Variants in SLC7A2 observed in about 807,000 individuals in gnomAD.
SLC7A2 encodes solute carrier family 7 member 2.
SLC7A2 carries 48 observed loss-of-function variants against 58.9 expected under a neutral mutation model. The ratio of observed to expected loss-of-function variants is 0.82; its 90% CI spans 0.65 to 1.04. The LOEUF is 1.04. Ranked by LOEUF, SLC7A2 falls within the 50% of genes least tolerant of loss-of-function variation. The probability of loss-of-function intolerance (pLI) is 0.00; values close to 1 mark genes in which losing one functional copy is unlikely to be tolerated. For missense variants in SLC7A2, 1,029 were observed against 818.8 expected (o/e 1.26, Z -3.13); for synonymous variants, 363 against 314.5 (o/e 1.15, Z -1.63).
intron 1 of SLC7A2, among the ~76,000 whole-genome samples, chr8:17,500,878 G>C (rs2588201): frequency 7.9e-5 from 12 of 151,518 alleles, no homozygotes; most frequent in Admixed American, 7.9e-4. Flanking sequence ...ATTTCCATCA[G>C]GCTTCAATTA....
At chr8:17,531,764 C>G (rs1801460152) in intron 2 of SLC7A2, among the ~76,000 whole-genome samples, 1 of 151,384 alleles carries the variant, frequency 6.6e-6, no homozygotes, top group East Asian at 1.9e-4. Context: ...ACTATAGTTG[C>G]CATTAAATTT....
At chr8:17,517,116 T>C (rs759544927) in intron 2 of SLC7A2, among the ~76,000 whole-genome samples, 1 of 152,172 alleles carries the variant, frequency 6.6e-6, no homozygotes, top group Admixed American at 6.5e-5. Context: ...CACTCCCCCT[T>C]TGCATCACTT....
intron 2 of SLC7A2, among the ~76,000 whole-genome samples, chr8:17,535,051 C>A (rs1233695214): frequency 6.6e-6 from 1 of 152,118 alleles, no homozygotes; most frequent in African/African-American, 2.4e-5. Flanking sequence ...TCTTTCTCAT[C>A]CCTTATTTAT....
chr8:17,555,651 T>G (rs1563478516), intron 8 of SLC7A2, among the ~76,000 whole-genome samples: 1 of 152,144 alleles, frequency 6.6e-6, no homozygotes, highest in Non-Finnish European at 1.5e-5. Context: ...ATCGCAGCCA[T>G]CTAACAGTTA....
chr8:17,529,756 C>T lies in SLC7A2; in HGVS notation c.-22-13562C>T, dbSNP rs577064849. On this transcript the variant is annotated intron_variant, in intron 2 of 12. Transcript: ENST00000494857. Reference sequence around the variant, plus strand: ...TACACCATGTTAGCTAGGCTGGTCTCGAACTCCTGGCCTCAAGTAATCCGC... The same window carrying T: ...TACACCATGTTAGCTAGGCTGGTCTTGAACTCCTGGCCTCAAGTAATCCGC... Among the ~76,000 whole-genome samples the T allele has an allele frequency of 1.3e-4, 20 of 152,112 alleles. No homozygotes were observed. The East Asian group carries it at 1.9e-3, about 15-fold the overall frequency.
At chr8:17,519,052 C>T (rs539607808) in intron 2 of SLC7A2, among the ~76,000 whole-genome samples, 4 of 152,238 alleles carry the variant, frequency 2.6e-5, no homozygotes, top group Non-Finnish European at 4.4e-5. Context: ...TCATCTAGCC[C>T]TAATTACCTT....
At chr8:17,494,653 T>C (rs368645010), upstream of SLC7A2, among the ~76,000 whole-genome samples, 54 of 152,346 alleles carry the variant, frequency 3.5e-4, no homozygotes, top group African/African-American at 1.2e-3. Flanking sequence ...TCATAGTCTG[T>C]CTTAAGAGAC....
chr8:17,556,774 GA>G (rs1367729411), intron 8 of SLC7A2, among the ~76,000 whole-genome samples: 4 of 151,836 alleles, frequency 2.6e-5, no homozygotes, highest in Non-Finnish European at 5.9e-5. Context: ...ACGCCCAGCT[GA>G]TTTTTGTATT....
intron 1 of SLC7A2, among the ~76,000 whole-genome samples, chr8:17,501,948 C>A (rs34719327): frequency 0.062 from 9,400 of 151,408 alleles, 344 homozygotes; most frequent in South Asian, 0.11. Flanking sequence ...CAATACACAA[C>A]AAAGAATTTG....
At chr8:17,538,338 T>G (rs1294408385) in intron 2 of SLC7A2, among the ~76,000 whole-genome samples, 2 of 152,190 alleles carry the variant, frequency 1.3e-5, no homozygotes, top group Non-Finnish European at 2.9e-5. Context: ...AAGACTTGAT[T>G]TGGAGAAAAG....
At chr8:17,514,506 C>T (rs1325235067) in intron 2 of SLC7A2, among the ~76,000 whole-genome samples, 4 of 152,158 alleles carry the variant, frequency 2.6e-5, no homozygotes, top group African/African-American at 7.2e-5. Context: ...AAATGCACAG[C>T]AGCCGTTGGT....
At chr8:17,514,059 C>A (rs1173827881) in intron 2 of SLC7A2, among the ~76,000 whole-genome samples, 2 of 152,122 alleles carry the variant, frequency 1.3e-5, no homozygotes, top group Non-Finnish European at 2.9e-5. Flanking sequence ...AGTCTTAGTT[C>A]TTCTCTACAA....
chr8:17,569,127 A>C lies in SLC7A2; in HGVS notation c.*3981A>C, dbSNP rs1439109571. On this transcript the variant is annotated 3_prime_UTR_variant, in exon 13 of 13. Transcript: ENST00000494857. The stretch of plus-strand genomic sequence containing the variant: ...GCCTTGCCTTCCCTCCTCTTAAATC[A>C]GGGTGTGTTCCGAGATTACAGAACA... 6.6e-6 allele frequency: 1 copy of C among 152,164 alleles called. No individual in the cohort carries two copies. The highest frequency in any genetic ancestry group is 1.5e-5 in the Non-Finnish European group (1 of 68,040). The allele number at this position is 152,164 out of a possible 1,614,324, so 9.4% of individuals were successfully genotyped here.
Position 17,554,729 on chromosome 8 carries a change from C to T in SLC7A2, c.1195+30C>T, listed in dbSNP as rs147511975. 1.3e-4 allele frequency: 203 copies of T among 1,585,066 alleles called. 1 individual carries two copies. The African/African-American group carries it at 1.9e-3, about 15-fold the overall frequency. ...GAGAGAGTTGACTTTTCTTCAGAAA[C>T]GGGGGATCTTTTTCATCAAGGACTC... On this transcript the variant is annotated intron_variant, in intron 8 of 12. Coordinates refer to ENST00000494857, the MANE Select transcript of SLC7A2 (RefSeq NM_001370338.1).
chr8:17,553,573 C>T (rs533422361), intron 7 of SLC7A2, among the ~76,000 whole-genome samples: 20 of 152,210 alleles, frequency 1.3e-4, no homozygotes, highest in African/African-American at 4.6e-4. Context: ...GAGTTCAAGA[C>T]CAGCCTGGGC....
At chr8:17,499,467 G>T (rs1800072146) in intron 1 of SLC7A2, among the ~76,000 whole-genome samples, 1 of 150,238 alleles carries the variant, frequency 6.7e-6, no homozygotes, top group Non-Finnish European at 1.5e-5. Context: ...TTACTTTGGT[G>T]CCCTTTGGTG....
At chr8:17,545,301 T>C (rs1227776967) in intron 4 of SLC7A2, among the ~76,000 whole-genome samples, 1 of 152,136 alleles carries the variant, frequency 6.6e-6, no homozygotes, top group African/African-American at 2.4e-5. Context: ...GCCTTCTCGT[T>C]TGGTTCCTAG....
intron 2 of SLC7A2, among the ~76,000 whole-genome samples, chr8:17,526,227 G>A (rs188315719): frequency 6.6e-6 from 1 of 152,246 alleles, no homozygotes; most frequent in East Asian, 1.9e-4. Context: ...TTCATTTGAG[G>A]GATTCAGATT....
intron 2 of SLC7A2, among the ~76,000 whole-genome samples, chr8:17,506,466 C>T (rs985521651): frequency 7.2e-5 from 11 of 152,136 alleles, no homozygotes; most frequent in East Asian, 3.8e-4. Context: ...CTGTCCTGTG[C>T]GAAATTTCAG....
Sources: gnomAD v4.1 joint callset for allele counts (sites outside exome capture counted in the v4.1 genomes callset) on GRCh38, gnomAD v4.1.1 for gene constraint, MANE v1.5 for transcripts, NCBI Gene and HGNC (gene_info 2026-07-23, HGNC 2026-07-21) for gene names.